GSN: variants seen among roughly 807,000 people sequenced by gnomAD.
GSN encodes the protein actin-depolymerizing factor.
GSN carries 56 observed loss-of-function variants against 85.7 expected under a neutral mutation model. That is an observed-to-expected ratio of 0.65 (90% CI 0.53 to 0.82). The LOEUF (loss-of-function observed/expected upper bound fraction) is 0.82. Ranked by LOEUF, GSN falls within the 40% of genes least tolerant of loss-of-function variation. The probability of loss-of-function intolerance (pLI) is 0.00; values close to 1 mark genes in which losing one functional copy is unlikely to be tolerated. For synonymous variants in GSN, 373 were observed against 399.1 expected, an observed-to-expected ratio of 0.93 and a Z score of 0.78; for missense variants, 857 against 979.8, an observed-to-expected ratio of 0.87 and a Z score of 1.67.
intron 5 of GSN, among the ~76,000 whole-genome samples, chr9:121,232,574 G>A (rs565783989): frequency 1.2e-4 from 18 of 152,170 alleles, no homozygotes; most frequent in Non-Finnish European, 2.6e-4. Context: ...ATTAGAACAC[G>A]TAACATGAGG....
At chr9:121,286,852 G>A in intron 2 of GSN, 2 of 1,055,304 alleles carry the variant, frequency 1.9e-6, no homozygotes, top group Admixed American at 4.0e-5. Flanking sequence ...GTAACCTTGG[G>A]CTGAACCTCT....
In GSN at chr9:121,318,434, G is replaced by A. The variant is rs772397447; in HGVS notation, c.915G>A (p.Lys305=). ...AGCAGGCAAACACGGAGGAGAGGAA[G>A]GCTGCCCTCAAAACAGCCTCTGACT... ...KGKQANTEER[K]AALKTASDFI... Residue 305 remains lysine, a synonymous_variant, in exon 9 of 18, where the codon AAG becomes AAA. Transcript: ENST00000432226. This position sits in a 1 kb window ranked among gnomAD's most constrained non-coding sequence, Gnocchi z 4.3. 4 of 1,614,024 alleles carry A rather than the reference G, an allele frequency of 2.5e-6. No homozygotes were observed. In the East Asian group the frequency reaches 8.9e-5, roughly 36 times the overall value.
chr9:121,219,259 ATT>A (rs34899791), intron 4 of GSN, among the ~76,000 whole-genome samples: 161 of 132,612 alleles, frequency 1.2e-3, no homozygotes, highest in African/African-American at 2.2e-3. Flanking sequence ...AAGTTAGGGG[ATT>A]TTTTTTTTTT....
chr9:121,235,820 GGGGA>G (rs2054481509), intron 5 of GSN, among the ~76,000 whole-genome samples: 1 of 152,174 alleles, frequency 6.6e-6, no homozygotes, highest in Non-Finnish European at 1.5e-5. Flanking sequence ...GACAGTCTAG[GGGGA>G]CAGCCATGTG....
chr9:121,222,624 A>AG (rs969471726), intron 4 of GSN, among the ~76,000 whole-genome samples: 16 of 152,330 alleles, frequency 1.1e-4, no homozygotes, highest in African/African-American at 3.1e-4. Flanking sequence ...AATTACCTCT[A>AG]GGGGGCGTAT....
intron 5 of GSN, among the ~76,000 whole-genome samples, chr9:121,234,639 G>A (rs2054457393): frequency 6.6e-6 from 1 of 152,174 alleles, no homozygotes; most frequent in South Asian, 2.1e-4. Flanking sequence ...AAGCCCTCAG[G>A]CTGTGGTGCT....
intron 2 of GSN, chr9:121,286,281 C>T: frequency 1.3e-6 from 1 of 766,406 alleles, no homozygotes. Context: ...ACTCCTAGTT[C>T]AACACCAGCC....
At chr9:121,238,468 C>T (rs1490689216) in intron 5 of GSN, among the ~76,000 whole-genome samples, 1 of 152,210 alleles carries the variant, frequency 6.6e-6, no homozygotes, top group Non-Finnish European at 1.5e-5. Flanking sequence ...GGTCCTTCGA[C>T]CACAGACTAA....
chr9:121,277,183 T>C (rs1308465452), intron 1 of GSN, among the ~76,000 whole-genome samples: 1 of 152,230 alleles, frequency 6.6e-6, no homozygotes, highest in East Asian at 1.9e-4. Context: ...CTTTATGAAA[T>C]CACTGGTACA....
chr9:121,328,718 C>T (rs2063532873), intron 14 of GSN, 173 bp from the exon 15 acceptor site: 5 of 706,796 alleles, frequency 7.1e-6, no homozygotes, highest in African/African-American at 1.7e-5. Flanking sequence ...TCTATTTCGT[C>T]ACCTTCCAAT....
At chr9:121,201,604 T>C in the GSN span, 1 of 152,256 alleles carries the variant, frequency 6.6e-6, no homozygotes, top group Non-Finnish European at 1.5e-5. Flanking sequence ...CGAGGAGGTA[T>C]CAGCCGGCCG....
chr9:121,327,898 C>G (rs903587950), intron 14 of GSN, among the ~76,000 whole-genome samples: 4 of 152,094 alleles, frequency 2.6e-5, no homozygotes, highest in African/African-American at 9.7e-5. Flanking sequence ...CACTTCAACC[C>G]GAGAGTTGGA....
chr9:121,272,829 G>A lies in GSN; in HGVS notation c.-103+4610G>A, dbSNP rs376567008. On this transcript the variant is annotated intron_variant, in intron 1 of 17. Coordinates refer to ENST00000432226, the MANE Select transcript of GSN (RefSeq NM_198252.3). ...AGTTTAGAAAAATGAAAGGACTTAC[G>A]TTCTCTTCTTTGAGTCTCACAATAG... is the stretch of plus-strand genomic sequence containing the variant. Among the ~76,000 whole-genome samples, 34 of 152,260 alleles carry A rather than the reference G, an allele frequency of 2.2e-4. No homozygotes were observed. The East Asian group carries it at 5.6e-3, about 25-fold the overall frequency.
intron 4 of GSN, among the ~76,000 whole-genome samples, chr9:121,306,641 C>T (rs2060451774): frequency 6.6e-6 from 1 of 152,134 alleles, no homozygotes; most frequent in Non-Finnish European, 1.5e-5. Flanking sequence ...TAATTTGATG[C>T]CAATCTTGCT....
At chr9:121,282,145 A>C in intron 2 of GSN, 1 of 481,614 alleles carries the variant, frequency 2.1e-6, no homozygotes, top group Non-Finnish European at 4.0e-6. Context: ...GGAGGAGTGC[A>C]GAGTCCTGGG....
upstream of GSN, chr9:121,203,560 C>T (rs1226463279): frequency 6.6e-6 from 1 of 152,370 alleles, no homozygotes; most frequent in Non-Finnish European, 1.5e-5. Context: ...CAAATTAAAT[C>T]AATCTTTCTC....
chr9:121,230,697 A>G (rs2054370988), intron 4 of GSN, among the ~76,000 whole-genome samples: 2 of 152,182 alleles, frequency 1.3e-5, no homozygotes. Flanking sequence ...AAATGGGTTC[A>G]TTCATAGAAA....
At chr9:121,208,255 C>T (rs1010939084) in intron 1 of GSN, among the ~76,000 whole-genome samples, 2 of 152,188 alleles carry the variant, frequency 1.3e-5, no homozygotes, top group Non-Finnish European at 2.9e-5. Flanking sequence ...TGGTCCTTCT[C>T]TTCTCTCCTA....
intron 4 of GSN, among the ~76,000 whole-genome samples, chr9:121,215,991 C>T (rs2054057063): frequency 4.6e-5 from 7 of 151,996 alleles, no homozygotes; most frequent in Admixed American, 4.6e-4. Flanking sequence ...TAGGCCATCA[C>T]TTTTCTTATT....
Sources: allele counts gnomAD v4.1 joint callset (sites outside exome capture counted in the v4.1 genomes callset), GRCh38; gene constraint gnomAD v4.1.1; non-coding constraint Gnocchi (gnomAD v3.1); transcripts MANE v1.5; gene names NCBI Gene and HGNC (gene_info 2026-07-23, HGNC 2026-07-21).